Variants in ROBO1 observed in about 807,000 individuals in gnomAD.
The protein encoded by ROBO1 is roundabout homolog 1.
Under a neutral mutation model 195.9 loss-of-function variants are expected in ROBO1, and 149 were observed. The ratio of observed to expected loss-of-function variants is 0.76; its 90% confidence interval spans 0.67 to 0.87. The LOEUF (loss-of-function observed/expected upper bound fraction) is 0.87, where lower values mean the gene tolerates loss of function less well. Ranked by LOEUF, ROBO1 falls within the 40% of genes least tolerant of loss-of-function variation. ROBO1 has a pLI of 0.00. For synonymous variants in ROBO1, 816 were observed against 733.2 expected (o/e 1.11, Z -1.82); for missense variants, 1,933 against 2,068.3 (o/e 0.93, Z 1.27).
At chr3:79,335,579 T>C (rs1266188953) in intron 2 of ROBO1, among the ~76,000 whole-genome samples, 2 of 152,168 alleles carry the variant, frequency 1.3e-5, no homozygotes, top group Non-Finnish European at 2.9e-5. Flanking sequence ...TCTGCCATGA[T>C]TGTAAGTTTC....
intron 1 of ROBO1, among the ~76,000 whole-genome samples, chr3:79,660,797 G>A (rs1022535188): frequency 6.6e-6 from 1 of 152,044 alleles, no homozygotes; most frequent in South Asian, 2.1e-4. Context: ...AGCCTGAAAA[G>A]CACAATGACC....
intron 2 of ROBO1, among the ~76,000 whole-genome samples, chr3:79,584,672 CACAT>C (rs372283277): frequency 0.015 from 2,267 of 148,710 alleles, 49 homozygotes; most frequent in Middle Eastern, 0.068. Context: ...TACACGTACA[CACAT>C]ACACACACTC....
chr3:79,194,095 A>G (rs938278207), intron 2 of ROBO1, among the ~76,000 whole-genome samples: 3 of 151,696 alleles, frequency 2.0e-5, no homozygotes, highest in Admixed American at 6.6e-5. Flanking sequence ...GGATCCCCTG[A>G]TTTGTTGAGA....
chr3:78,940,783 A>T (rs2107698559), intron 3 of ROBO1, among the ~76,000 whole-genome samples: 1 of 152,302 alleles, frequency 6.6e-6, no homozygotes, highest in Non-Finnish European at 1.5e-5. Context: ...CCCTTCTGTA[A>T]GATCTGTGGG....
chr3:78,961,895 T>C (rs548667072), intron 3 of ROBO1, among the ~76,000 whole-genome samples: 12 of 152,036 alleles, frequency 7.9e-5, no homozygotes, highest in African/African-American at 2.6e-4. Flanking sequence ...AGATTCATAG[T>C]CACAGTACTT....
At chr3:79,497,285 C>A (rs1194666424) in intron 2 of ROBO1, among the ~76,000 whole-genome samples, 1 of 152,192 alleles carries the variant, frequency 6.6e-6, no homozygotes, top group Admixed American at 6.5e-5. Flanking sequence ...TTTGTCAAAA[C>A]TGAATTTCAA....
chr3:79,055,561 C>T (rs183003097), intron 3 of ROBO1, among the ~76,000 whole-genome samples: 1 of 152,040 alleles, frequency 6.6e-6, no homozygotes, highest in Non-Finnish European at 1.5e-5. Flanking sequence ...AGGTACAATT[C>T]AGCCTTATAT....
At chr3:79,518,164 A>G (rs1466532499) in intron 2 of ROBO1, among the ~76,000 whole-genome samples, 1 of 152,214 alleles carries the variant, frequency 6.6e-6, no homozygotes, top group Admixed American at 6.5e-5. Context: ...TTTTGAATGT[A>G]CATTTCTACA....
At chr3:79,340,617 A>G (rs183334134) in intron 2 of ROBO1, among the ~76,000 whole-genome samples, 1 of 152,308 alleles carries the variant, frequency 6.6e-6, no homozygotes, top group Non-Finnish European at 1.5e-5. Context: ...TAGAACGGTA[A>G]GAATAAAATG....
intron 2 of ROBO1, among the ~76,000 whole-genome samples, chr3:79,480,606 G>T (rs1308882114): frequency 6.6e-6 from 1 of 152,054 alleles, no homozygotes; most frequent in Non-Finnish European, 1.5e-5. Context: ...ATATACAAAA[G>T]AATTTGTGTG....
At chr3:79,548,124 A>G (rs376450930) in intron 2 of ROBO1, among the ~76,000 whole-genome samples, 1 of 152,188 alleles carries the variant, frequency 6.6e-6, no homozygotes, top group South Asian at 2.1e-4. Flanking sequence ...CCAGCAAATC[A>G]TCTGAGAGAA....
At chr3:79,698,495 G>T (rs11127658) in intron 1 of ROBO1, among the ~76,000 whole-genome samples, 45,745 of 151,022 alleles carry the variant, frequency 0.3, 7,870 homozygotes, top group East Asian at 0.53. Context: ...ATAATAATTT[G>T]ATTACTTAGA....
At chr3:79,036,619 G>C (rs1256089739) in intron 3 of ROBO1, among the ~76,000 whole-genome samples, 2 of 151,814 alleles carry the variant, frequency 1.3e-5, no homozygotes, top group Admixed American at 1.3e-4. Flanking sequence ...AAGAATACAA[G>C]CATAGTAAAA....
chr3:79,441,659 G>A (rs1304663879), intron 2 of ROBO1, among the ~76,000 whole-genome samples: 1 of 151,932 alleles, frequency 6.6e-6, no homozygotes, highest in Non-Finnish European at 1.5e-5. Flanking sequence ...AAAGCAATTG[G>A]TCATCTTAGA....
intron 4 of ROBO1, among the ~76,000 whole-genome samples, chr3:78,829,128 T>A (rs2031911158): frequency 6.6e-6 from 1 of 152,170 alleles, no homozygotes; most frequent in Admixed American, 6.6e-5. Context: ...AATAAAAACA[T>A]AATATTAAGC....
intron 2 of ROBO1, among the ~76,000 whole-genome samples, chr3:79,247,588 T>C (rs1410620928): frequency 6.6e-6 from 1 of 151,984 alleles, no homozygotes; most frequent in African/African-American, 2.4e-5. Context: ...CCAACTTGCT[T>C]TGCTACTTTG....
intron 3 of ROBO1, among the ~76,000 whole-genome samples, chr3:79,084,022 C>A (rs1330719376): frequency 6.6e-6 from 1 of 152,192 alleles, no homozygotes; most frequent in Non-Finnish European, 1.5e-5. Flanking sequence ...TTTTATTGTA[C>A]TGCCTGACTC....
intron 2 of ROBO1, among the ~76,000 whole-genome samples, chr3:79,370,734 A>C (rs1010084530): frequency 6.6e-6 from 1 of 151,824 alleles, no homozygotes; most frequent in Admixed American, 6.6e-5. Context: ...TGTTACATAG[A>C]TATATACATG....
At position 78,668,240 on chromosome 3, in the gene ROBO1, A is replaced by T; in HGVS notation, c.1693T>A (p.Ser565Thr). ...CTGACATCTGTCACTTCAGGTTTTGATGGGGCACTAGGGATTAAATTTGGG... is the reference window on the plus strand; with the variant it reads ...CTGACATCTGTCACTTCAGGTTTTGTTGGGGCACTAGGGATTAAATTTGGG... ...TDPNLIPSAP[S>T]KPEVTDVSRN... Residue 565 changes from serine to threonine, a missense_variant, in exon 13 of 31, where the codon TCA becomes ACA. Physicochemically the swap from Ser to Thr is moderately conservative, Grantham distance 58. Around this residue, in one of 3 missense-constraint regions of ROBO1, gnomAD observed 1,737 missense variants for 1,882.5 expected, o/e 0.92. Transcript: ENST00000464233. 4 of 1,613,914 alleles carry T rather than the reference A, an allele frequency of 2.5e-6. No homozygotes were observed. Among genetic ancestry groups the T allele is most frequent in the Non-Finnish European group, 3.4e-6 (4 of 1,179,818 alleles).
Sources: gnomAD v4.1 joint callset for allele counts (sites outside exome capture counted in the v4.1 genomes callset) on GRCh38, gnomAD v4.1.1 for gene constraint, gnomAD v4.1.1 regional missense constraint, MANE v1.5 for transcripts, NCBI Gene and HGNC (gene_info 2026-07-23, HGNC 2026-07-21) for gene names.